The following NPR3 variants were observed in gnomAD, a reference collection of about 807,000 sequenced individuals.
NPR3 encodes atrial natriuretic peptide receptor 3.
A neutral mutation model predicts 54.5 loss-of-function variants in NPR3; 34 were observed. The observed-to-expected ratio is 0.62, with a 90% CI of 0.47 to 0.83. The LOEUF is 0.83. NPR3 is among the 40% of genes least tolerant of loss of function. NPR3 has a pLI of 0.00. For synonymous variants in NPR3, 289 were observed against 297.1 expected (o/e 0.97, Z 0.28); for missense variants, 674 against 720.8 (o/e 0.94, Z 0.74).
At chr5:32,784,995 G>A (rs554434893) in intron 7 of NPR3, 112 bp downstream of exon 7, 41 of 887,482 alleles carry the variant, frequency 4.6e-5, no homozygotes, top group Non-Finnish European at 6.4e-5. Context: ...CAGGAAGCAC[G>A]GTGGTTAAAA....
At chr5:32,697,660 A>G (rs775395414) in intron 1 of NPR3, among the ~76,000 whole-genome samples, 1 of 151,968 alleles carries the variant, frequency 6.6e-6, no homozygotes, top group Non-Finnish European at 1.5e-5. Context: ...TATGGCTTCA[A>G]CCTTGTTACT....
chr5:32,695,336 C>T (rs1159907187), intron 1 of NPR3, among the ~76,000 whole-genome samples: 1 of 152,192 alleles, frequency 6.6e-6, no homozygotes, highest in Non-Finnish European at 1.5e-5. Flanking sequence ...ACGATCTCGG[C>T]ACACTGCAAG....
intron 1 of NPR3, among the ~76,000 whole-genome samples, chr5:32,703,380 GC>G (rs1257099686): frequency 6.6e-6 from 1 of 151,144 alleles, no homozygotes. Flanking sequence ...TTGAGACAAA[GC>G]CCCCTTTACT....
intron 4 of NPR3, among the ~76,000 whole-genome samples, chr5:32,779,292 C>G (rs1337591929): frequency 6.6e-6 from 1 of 152,156 alleles, no homozygotes; most frequent in Non-Finnish European, 1.5e-5. Context: ...TGAACTCTCC[C>G]CAGTTGAAAA....
rs1272398534 is a variant in NPR3 at position 32,778,252 on chromosome 5, T to C, written c.1196-2470T>C. Among the ~76,000 whole-genome samples, 4 of 152,332 alleles carry C rather than the reference T, an allele frequency of 2.6e-5. 1 individual carries two copies. The South Asian group carries it at 8.3e-4, about 32-fold the overall frequency. On this transcript the variant is annotated intron_variant, in intron 4 of 7. Transcript: ENST00000265074. The stretch of plus-strand genomic sequence containing the variant: ...ACAATTAGAATCTCATTTGTTTAAA[T>C]GTAAAGATAATTGAAGCCAAGCTAA...
At chr5:32,728,938 T>C (rs1263255559) in intron 2 of NPR3, among the ~76,000 whole-genome samples, 1 of 145,330 alleles carries the variant, frequency 6.9e-6, no homozygotes, top group Non-Finnish European at 1.5e-5. Context: ...TTATGTTCCA[T>C]ATACCTTATA....
rs768386100 is a variant in NPR3, at chr5:32,712,007, G to A, written c.231G>A (p.Glu77=). 4 of 1,613,342 alleles carry A rather than the reference G, an allele frequency of 2.5e-6. No individual in the cohort carries two copies. In the African/African-American group the frequency reaches 4.0e-5, roughly 16 times the overall value. The change falls in exon 1 of 8, where the codon GAG becomes GAA. Residue 77 remains glutamate, a synonymous_variant. Transcript: ENST00000265074. ...TCACCCGGGTGCGGCCGGCCATCGA[G>A]TATGCTCTGCGCAGCGTGGAGGGCA... ...FSLTRVRPAI[E]YALRSVEGNG...
chr5:32,709,269 C>CCA (rs1738089403), upstream of NPR3: 1 of 152,084 alleles, frequency 6.6e-6, no homozygotes, highest in Admixed American at 6.5e-5. Context: ...ACCACTGTGG[C>CCA]CAGTGGTAGG....
At chr5:32,724,602 T>C in intron 1 of NPR3, 96 bp from the exon 2 acceptor site, 2 of 1,419,432 alleles carry the variant, frequency 1.4e-6, no homozygotes, top group East Asian at 2.3e-5. Context: ...ACCATATAAG[T>C]ATCCCGTTCC....
intron 2 of NPR3, among the ~76,000 whole-genome samples, chr5:32,736,988 C>G (rs184037219): frequency 6.6e-6 from 1 of 152,306 alleles, no homozygotes; most frequent in African/African-American, 2.4e-5. Context: ...CCTCTGCAAA[C>G]ATTTTCTTTG....
chr5:32,750,566 C>T (rs1348692578), intron 3 of NPR3, among the ~76,000 whole-genome samples: 1 of 152,046 alleles, frequency 6.6e-6, no homozygotes, highest in African/African-American at 2.4e-5. Context: ...CTGTGATTTA[C>T]CTGAAATCTC....
At chr5:32,710,797 G>A (rs1475050244), upstream of NPR3, 8 of 1,522,130 alleles carry the variant, frequency 5.3e-6, no homozygotes, top group East Asian at 2.5e-5. Context: ...AGAGCAAGCG[G>A]CACCTAAGGA....
chr5:32,728,284 G>GA (rs1739238660), intron 2 of NPR3, among the ~76,000 whole-genome samples: 1 of 152,008 alleles, frequency 6.6e-6, no homozygotes, highest in Admixed American at 6.5e-5. Flanking sequence ...CCAACATGGT[G>GA]AAACCCCGTC....
At chr5:32,728,835 G>GTCTA (rs1226669792) in intron 2 of NPR3, among the ~76,000 whole-genome samples, 1 of 60,634 alleles carries the variant, frequency 1.6e-5, no homozygotes, top group Non-Finnish European at 3.1e-5. Context: ...GTGTGTGTGT[G>GTCTA]TGTATATATA....
rs75962228 is a variant in NPR3 at position 32,693,182 on chromosome 5, T to A, written c.100+3996T>A. Among the ~76,000 whole-genome samples, 707 of 152,302 alleles carry A rather than the reference T, an allele frequency of 4.6e-3. 1 individual carries two copies. Among genetic ancestry groups the A allele is most frequent in the Middle Eastern group, 0.01 (3 of 294 alleles). The stretch of plus-strand genomic sequence containing the variant: ...TGTATAATCAGAAATCTAACATGAC[T>A]GTATCGGAATGTTCTGAAAATTATG... On this transcript the variant is annotated intron_variant, in intron 1 of 5. Coordinates refer to the NPR3 transcript ENST00000509104.
At chr5:32,740,708 A>T (rs1344636973) in intron 3 of NPR3, among the ~76,000 whole-genome samples, 1 of 152,114 alleles carries the variant, frequency 6.6e-6, no homozygotes. Context: ...TATTAATGAG[A>T]TTTTAATGTA....
chr5:32,774,580 C>T (rs1741941712), intron 3 of NPR3, 128 bp from the exon 4 acceptor site: 1 of 716,192 alleles, frequency 1.4e-6, no homozygotes, highest in South Asian at 1.6e-5. Flanking sequence ...TGTCAGTACC[C>T]CTTCTGCCCA....
rs1046535920 is a variant in NPR3, at chr5:32,786,995, A to G, written c.*650A>G. On this transcript the variant is annotated 3_prime_UTR_variant, in exon 8 of 8. Transcript: ENST00000265074. The stretch of plus-strand genomic sequence containing the variant: ...TGAGATGGGAGGATTTACAGAAGAA[A>G]AGCAAGTCAAAAATATTTCCTTTTT... 1.3e-5 allele frequency: 2 copies of G among 152,446 alleles called. No individual in the cohort carries two copies. Among genetic ancestry groups the G allele is most frequent in the African/African-American group, 4.8e-5 (2 of 41,296 alleles). 9.4% of individuals were successfully genotyped at this position (152,446 alleles called of 1,614,324 possible). A position where few individuals can be genotyped will look rare whatever the true frequency, so the allele number is the denominator to read the frequency against.
At position 32,738,948 on chromosome 5, in the gene NPR3, G is replaced by A; in HGVS notation, c.977G>A (p.Arg326Lys). The A allele has an allele frequency of 6.2e-7, 1 of 1,613,978 alleles. No individual in the cohort carries two copies. Among genetic ancestry groups the A allele is most frequent in the Non-Finnish European group, 8.5e-7 (1 of 1,179,858 alleles). ...YSSLQTVTLL[R>K]TVKPEFEKFS... ...TCCCTCCAGACAGTCACTCTACTGA[G>A]GACAGTGAAACCTGAGTTTGAGAAG... is the stretch of plus-strand genomic sequence containing the variant. Residue 326 changes from arginine (R) to lysine (K), a missense_variant, in exon 3 of 8, where the codon AGG (arginine) becomes AAG (lysine). Arg to Lys is a conservative substitution (Grantham distance 26). Coordinates refer to ENST00000265074, the MANE Select transcript of NPR3 (RefSeq NM_001204375.2).
Sources: gnomAD v4.1 joint callset for allele counts (sites outside exome capture counted in the v4.1 genomes callset) on GRCh38, gnomAD v4.1.1 for gene constraint, MANE v1.5 for transcripts, NCBI Gene and HGNC (gene_info 2026-07-23, HGNC 2026-07-21) for gene names.